The following PCDH9 variants were observed in gnomAD, a reference collection of about 807,000 sequenced individuals.
PCDH9 encodes the protein protocadherin-9.
A neutral mutation model predicts 70.6 loss-of-function variants in PCDH9; 24 were observed. That is an observed-to-expected ratio of 0.34 (90% CI 0.25 to 0.48). The LOEUF (loss-of-function observed/expected upper bound fraction) is 0.48. Ranked by LOEUF, PCDH9 falls within the 20% of genes least tolerant of loss-of-function variation. PCDH9 has a pLI of 0.99. For missense variants in PCDH9, 1,281 were observed against 1,503.6 expected (o/e 0.85, Z 2.45); for synonymous variants, 562 against 558.5 (o/e 1.01, Z -0.09).
At chr13:66,939,893 A>G (rs1437183656) in intron 2 of PCDH9, among the ~76,000 whole-genome samples, 1 of 152,200 alleles carries the variant, frequency 6.6e-6, no homozygotes, top group East Asian at 1.9e-4. Context: ...AGAGAGGTCT[A>G]TGTGTATTGT....
chr13:66,939,293 C>G (rs1168454961), intron 2 of PCDH9, among the ~76,000 whole-genome samples: 2 of 151,848 alleles, frequency 1.3e-5, no homozygotes, highest in Non-Finnish European at 2.9e-5. Flanking sequence ...ATTTAAAAAC[C>G]ATGAAAGATT....
At chr13:66,859,557 A>G (rs1366784371) in intron 3 of PCDH9, among the ~76,000 whole-genome samples, 1 of 152,208 alleles carries the variant, frequency 6.6e-6, no homozygotes, top group Non-Finnish European at 1.5e-5. Flanking sequence ...AGGCACAAAA[A>G]TCATTTGAGT....
chr13:66,864,931 T>C (rs1042120045), intron 3 of PCDH9, among the ~76,000 whole-genome samples: 1 of 152,228 alleles, frequency 6.6e-6, no homozygotes, highest in Non-Finnish European at 1.5e-5. Flanking sequence ...CACTTTGCCG[T>C]GGTGAGAACC....
intron 3 of PCDH9, among the ~76,000 whole-genome samples, chr13:66,817,862 A>G (rs766611645): frequency 4.6e-5 from 7 of 152,164 alleles, no homozygotes; most frequent in Non-Finnish European, 7.4e-5. Flanking sequence ...TGCTGAGCTC[A>G]GATGATTTGC....
At position 66,934,242 on chromosome 13, in the gene PCDH9, AAAAACT is replaced by A. The variant is rs1425600883; in HGVS notation, c.3037-30643_3037-30638del. ...AGTCTCTACCACCTAAGAAAAATGC[AAAAACT>A]TGCCCGGGTGCGGTGACTCCCATCT... On this transcript the variant is annotated intron_variant, in intron 2 of 4. Coordinates refer to ENST00000377865, the MANE Select transcript of PCDH9 (RefSeq NM_203487.3). Among the ~76,000 whole-genome samples the A allele has an allele frequency of 2.0e-5, 3 of 152,220 alleles. No individual in the cohort carries two copies. The East Asian group carries it at 5.8e-4, about 29-fold the overall frequency.
At chr13:66,367,464 A>T (rs1310202940) in intron 4 of PCDH9, among the ~76,000 whole-genome samples, 1 of 152,182 alleles carries the variant, frequency 6.6e-6, no homozygotes, top group East Asian at 1.9e-4. Context: ...TGAAATTGCA[A>T]CTACAGGCTC....
At chr13:66,988,206 A>C (rs2083932538) in intron 2 of PCDH9, among the ~76,000 whole-genome samples, 2 of 152,080 alleles carry the variant, frequency 1.3e-5, no homozygotes, top group Non-Finnish European at 2.9e-5. Context: ...AAGAAATGAA[A>C]GTTGACTGGG....
chr13:66,480,864 T>A (rs973798570), intron 4 of PCDH9, among the ~76,000 whole-genome samples: 3 of 152,212 alleles, frequency 2.0e-5, no homozygotes, highest in Admixed American at 6.5e-5. Context: ...TGCACACATA[T>A]GTTTATTACA....
chr13:66,754,592 T>C (rs1461013173), intron 3 of PCDH9, among the ~76,000 whole-genome samples: 4 of 152,230 alleles, frequency 2.6e-5, no homozygotes, highest in African/African-American at 4.8e-5. Context: ...ATAGACGCTA[T>C]AGGAATTCTG....
intron 3 of PCDH9, among the ~76,000 whole-genome samples, chr13:66,824,562 G>A (rs1293715474): frequency 6.8e-6 from 1 of 146,770 alleles, no homozygotes; most frequent in Non-Finnish European, 1.5e-5. Flanking sequence ...GGCTGAGGCA[G>A]GAGAATTGCT....
In PCDH9 at chr13:67,174,052, A is replaced by C. The variant is rs377244217; in HGVS notation, c.3036+51353T>G. 9.5e-4 allele frequency among the ~76,000 whole-genome samples: 145 copies of C among 152,298 alleles called. 6 individuals carry two copies. In the South Asian group the frequency reaches 0.029, roughly 31 times the overall value. Reference sequence around the variant, plus strand: ...TATTATTTTATTTTCTAGATGTAATAAAAATTTTAAAGCATCTTTATTTTT... The same window carrying C: ...TATTATTTTATTTTCTAGATGTAATCAAAATTTTAAAGCATCTTTATTTTT... On this transcript the variant is annotated intron_variant, in intron 2 of 4. Transcript: ENST00000377865.
At chr13:67,033,607 T>A (rs968461909) in intron 2 of PCDH9, among the ~76,000 whole-genome samples, 1 of 152,112 alleles carries the variant, frequency 6.6e-6, no homozygotes, top group Non-Finnish European at 1.5e-5. Context: ...GTGGCAGGCA[T>A]CTCGTAAACT....
chr13:66,746,583 G>C (rs149383906), intron 3 of PCDH9, among the ~76,000 whole-genome samples: 5 of 152,064 alleles, frequency 3.3e-5, no homozygotes, highest in Admixed American at 3.3e-4. Flanking sequence ...AAAAAAATCA[G>C]TTGACAGCCT....
intron 4 of PCDH9, among the ~76,000 whole-genome samples, chr13:66,309,418 A>C (rs2138060253): frequency 6.6e-6 from 1 of 152,200 alleles, no homozygotes; most frequent in African/African-American, 2.4e-5. Context: ...ATATGCTAAT[A>C]ACTGACTAGT....
chr13:66,395,193 G>A (rs977421262), intron 4 of PCDH9, among the ~76,000 whole-genome samples: 4 of 152,132 alleles, frequency 2.6e-5, no homozygotes, highest in Non-Finnish European at 5.9e-5. Context: ...AAAAGTAGAG[G>A]TACTCCTCAT....
At chr13:66,561,000 G>C (rs541077902) in intron 4 of PCDH9, among the ~76,000 whole-genome samples, 1 of 152,232 alleles carries the variant, frequency 6.6e-6, no homozygotes, top group Non-Finnish European at 1.5e-5. Context: ...GCTGCACTGT[G>C]GGAGCCCCTT....
At chr13:66,512,602 T>C (rs1349543350) in intron 4 of PCDH9, among the ~76,000 whole-genome samples, 1 of 152,068 alleles carries the variant, frequency 6.6e-6, no homozygotes, top group East Asian at 1.9e-4. Context: ...CTAGTCCCAT[T>C]ACTTTGTCAG....
In PCDH9 at chr13:67,225,780, G is replaced by T. The variant is rs1458629423; in HGVS notation, c.2661C>A (p.Ile887=). 6.8e-6 allele frequency: 11 copies of T among 1,614,054 alleles called. No homozygotes were observed. The highest frequency in any genetic ancestry group is 8.5e-6 in the Non-Finnish European group (10 of 1,179,984). ...PKSSLLNFVT[I]EESKPDDAVH... ...CTGCATCATCGGGTTTGGACTCTTC[G>T]ATAGTAACAAAGTTCAAAAGAGAGC... The change falls in exon 2 of 5, where the codon ATC becomes ATA. Residue 887 remains isoleucine, a synonymous_variant. Transcript: ENST00000377865.
chr13:66,393,887 ATAAG>A (rs1283994567), intron 4 of PCDH9, among the ~76,000 whole-genome samples: 10 of 152,166 alleles, frequency 6.6e-5, no homozygotes, highest in Non-Finnish European at 1.2e-4. Context: ...TATTTATTGA[ATAAG>A]TGAGGAGAAA....
Sources: allele counts gnomAD v4.1 joint callset (sites outside exome capture counted in the v4.1 genomes callset), GRCh38; gene constraint gnomAD v4.1.1; transcripts MANE v1.5; gene names NCBI Gene and HGNC (gene_info 2026-07-23, HGNC 2026-07-21).